Variants in BNIP1 observed in about 807,000 individuals in gnomAD.
The protein encoded by BNIP1 is BCL2 interacting protein 1.
BNIP1 carries 25 observed loss-of-function variants against 28.5 expected under a neutral mutation model. The observed-to-expected ratio is 0.88, with a 90% CI of 0.64 to 1.23. BNIP1 has a LOEUF of 1.23. BNIP1 is among the 50% of genes most tolerant of loss of function. The pLI is 0.00. For synonymous variants in BNIP1, 118 were observed against 101.7 expected, an observed-to-expected ratio of 1.16 and a Z score of -0.96; for missense variants, 276 against 277.0, an observed-to-expected ratio of 1.00 and a Z score of 0.02.
At chr5:173,146,314 GA>G (rs1407488356) in intron 1 of BNIP1, among the ~76,000 whole-genome samples, 2 of 152,186 alleles carry the variant, frequency 1.3e-5, no homozygotes, top group African/African-American at 4.8e-5. Flanking sequence ...TCTGTCTCCA[GA>G]GCCTGCCGTG....
chr5:173,161,953 A>C (rs1485001561), intron 5 of BNIP1: 1 of 152,254 alleles, frequency 6.6e-6, no homozygotes, highest in Non-Finnish European at 1.5e-5. Flanking sequence ...AAGCAGGCGG[A>C]GAGGGATTCC....
intron 2 of BNIP1, among the ~76,000 whole-genome samples, chr5:173,150,832 AC>A (rs1759995084): frequency 6.6e-6 from 1 of 151,410 alleles, no homozygotes; most frequent in Non-Finnish European, 1.5e-5. Context: ...AAAACTTTAT[AC>A]TTTTGTTTTT....
At chr5:173,152,002 C>G (rs1336638217) in intron 2 of BNIP1, among the ~76,000 whole-genome samples, 1 of 152,214 alleles carries the variant, frequency 6.6e-6, no homozygotes, top group East Asian at 1.9e-4. Flanking sequence ...TACTAGAGAA[C>G]TGGCCTCATA....
rs758738602 is a variant in BNIP1 at position 173,144,570 on chromosome 5, G to A, written c.25G>A (p.Val9Ile). MAAPQDVH[V>I]RICNQEIVKF... ...CATGGCGGCTCCCCAAGACGTCCAC[G>A]TCCGGATCTGTAACCAAGAGATTGT... The change falls in exon 1 of 6, where the codon GTC (valine) becomes ATC (isoleucine). Residue 9 changes from valine to isoleucine, a missense_variant. Physicochemically the swap from Val to Ile is conservative, Grantham distance 29 (BLOSUM62 3). Transcript: ENST00000351486. 1.2e-6 allele frequency: 2 copies of A among 1,614,176 alleles called. No individual in the cohort carries two copies. The highest frequency in any genetic ancestry group is 3.3e-5 in the Admixed American group (2 of 60,032).
chr5:173,144,564 G>T lies in BNIP1; in HGVS notation c.19G>T (p.Val7Phe). MAAPQD[V>F]HVRICNQEIV... ...CCCCAACATGGCGGCTCCCCAAGAC[G>T]TCCACGTCCGGATCTGTAACCAAGA... Residue 7 changes from valine to phenylalanine, a missense_variant, in exon 1 of 6, where the codon GTC becomes TTC. Physicochemically the swap from Val to Phe is conservative, Grantham distance 50 (BLOSUM62 -1). Coordinates refer to ENST00000351486, the MANE Select transcript of BNIP1 (RefSeq NM_001205.3). 1 of 1,614,140 alleles carries T rather than the reference G, an allele frequency of 6.2e-7. No homozygotes were observed. The highest frequency in any genetic ancestry group is 1.1e-5 in the South Asian group (1 of 91,088).
At chr5:173,160,199 C>A in intron 5 of BNIP1, 148 bp downstream of exon 5, 1 of 690,188 alleles carries the variant, frequency 1.4e-6, no homozygotes, top group Non-Finnish European at 2.6e-6. Context: ...GACTTGACAC[C>A]ATGGTCTTAT....
chr5:173,159,453 T>A (rs532449073), intron 4 of BNIP1, among the ~76,000 whole-genome samples: 1 of 150,122 alleles, frequency 6.7e-6, no homozygotes, highest in Non-Finnish European at 1.5e-5. Flanking sequence ...CATATTCTGC[T>A]GTTTCAGCAC....
intron 2 of BNIP1, among the ~76,000 whole-genome samples, chr5:173,152,097 G>A (rs1331628483): frequency 6.6e-6 from 1 of 152,120 alleles, no homozygotes; most frequent in Non-Finnish European, 1.5e-5. Context: ...TGTACATATA[G>A]CTCTCAAACT....
intron 2 of BNIP1, among the ~76,000 whole-genome samples, chr5:173,152,720 C>T (rs1037473032): frequency 7.2e-5 from 11 of 152,114 alleles, no homozygotes; most frequent in Non-Finnish European, 1.2e-4. Context: ...ATGACATTTG[C>T]AAAACTTTTC....
At chr5:173,157,604 AG>A (rs1760237586) in intron 3 of BNIP1, among the ~76,000 whole-genome samples, 1 of 152,062 alleles carries the variant, frequency 6.6e-6, no homozygotes, top group South Asian at 2.1e-4. Flanking sequence ...TAGTAGAGAC[AG>A]GGTTTTAACA....
At chr5:173,155,080 C>T (rs952706047) in intron 3 of BNIP1, among the ~76,000 whole-genome samples, 5 of 151,634 alleles carry the variant, frequency 3.3e-5, no homozygotes, top group Admixed American at 2.0e-4. Flanking sequence ...TGAAGGTGGA[C>T]CAAAATTTAG....
chr5:173,158,717 A>AC (rs1354886258), intron 3 of BNIP1, 27 bp from the exon 4 acceptor site: 1 of 1,576,244 alleles, frequency 6.3e-7, no homozygotes, highest in Non-Finnish European at 8.7e-7. Flanking sequence ...GAGTGGACAC[A>AC]CTCACACGTG....
At chr5:173,157,797 TC>T (rs1210506284) in intron 3 of BNIP1, among the ~76,000 whole-genome samples, 1 of 152,186 alleles carries the variant, frequency 6.6e-6, no homozygotes, top group African/African-American at 2.4e-5. Flanking sequence ...AGACTGTAGA[TC>T]CGCCGTGTCA....
intron 2 of BNIP1, among the ~76,000 whole-genome samples, chr5:173,152,635 C>T (rs1450079700): frequency 6.6e-6 from 1 of 152,158 alleles, no homozygotes; most frequent in African/African-American, 2.4e-5. Context: ...AGGCGTGAAC[C>T]ACCAGGCCCA....
At chr5:173,159,126 C>T (rs1760290077) in intron 4 of BNIP1, among the ~76,000 whole-genome samples, 1 of 152,048 alleles carries the variant, frequency 6.6e-6, no homozygotes, top group Non-Finnish European at 1.5e-5. Context: ...CAACCTCCGC[C>T]TCCTGGGTTC....
intron 4 of BNIP1, among the ~76,000 whole-genome samples, chr5:173,159,477 TAA>T (rs10546608): frequency 0.41 from 59,567 of 145,486 alleles, 12,259 homozygotes; most frequent in Non-Finnish European, 0.46. Context: ...AGTTGTTCAT[TAA>T]AAAAAAAAAA....
At position 173,159,957 on chromosome 5, in the gene BNIP1, C is replaced by G. The variant is rs994556157; in HGVS notation, c.396C>G (p.Ala132=). The G allele has an allele frequency of 1.9e-6, 3 of 1,614,118 alleles. No homozygotes were observed. Among genetic ancestry groups the G allele is most frequent in the Non-Finnish European group, 2.5e-6 (3 of 1,179,998 alleles). The change falls in exon 5 of 6, where the codon GCC becomes GCG. Residue 132 remains alanine, a synonymous_variant. Coordinates refer to ENST00000351486, the MANE Select transcript of BNIP1 (RefSeq NM_001205.3). ...RQRKTTKESL[A]QTSSTITESL... is the part of the protein sequence containing the mutation. ...GGAAAACCACCAAAGAGAGCCTGGC[C>G]CAGACATCCAGTACCATCACTGAGA...
intron 2 of BNIP1, among the ~76,000 whole-genome samples, chr5:173,151,177 G>A (rs1451004034): frequency 6.6e-6 from 1 of 151,780 alleles, no homozygotes; most frequent in East Asian, 1.9e-4. Context: ...ACGTATATTG[G>A]AAATTTTTCC....
At chr5:173,150,389 C>T (rs1023207455) in intron 2 of BNIP1, among the ~76,000 whole-genome samples, 3 of 152,154 alleles carry the variant, frequency 2.0e-5, no homozygotes, top group Non-Finnish European at 2.9e-5. Context: ...CAGTTGGACC[C>T]CTGAGAAACA....
Sources: allele counts gnomAD v4.1 joint callset (sites outside exome capture counted in the v4.1 genomes callset), GRCh38; gene constraint gnomAD v4.1.1; transcripts MANE v1.5; gene names NCBI Gene and HGNC (gene_info 2026-07-23, HGNC 2026-07-21).